GLRB: variants seen among roughly 807,000 people sequenced by gnomAD.
GLRB encodes glycine receptor beta.
In GLRB, 33 loss-of-function variants were observed where a neutral mutation model predicts 54.2. The ratio of observed to expected loss-of-function variants is 0.61; its 90% confidence interval spans 0.46 to 0.81. The LOEUF (loss-of-function observed/expected upper bound fraction) is 0.81, where lower values mean the gene tolerates loss of function less well. GLRB is among the 40% of genes least tolerant of loss of function. The pLI is 0.00. For missense variants in GLRB, 572 were observed against 584.6 expected (o/e 0.98, Z 0.22); for synonymous variants, 209 against 208.2 (o/e 1.00, Z -0.03).
At chr4:157,163,447 G>A (rs933390921) in intron 9 of GLRB, among the ~76,000 whole-genome samples, 24 of 152,224 alleles carry the variant, frequency 1.6e-4, no homozygotes, top group African/African-American at 4.6e-4. Context: ...GGCCATCTTG[G>A]AACCTATGAT....
chr4:157,103,059 G>A (rs1735092977), intron 2 of GLRB, among the ~76,000 whole-genome samples: 1 of 151,650 alleles, frequency 6.6e-6, no homozygotes, highest in Non-Finnish European at 1.5e-5. Flanking sequence ...GCTGATACAG[G>A]AGAATCCCTT....
At chr4:157,152,597 C>G in intron 8 of GLRB, 121 bp from the exon 9 acceptor site, 1 of 801,598 alleles carries the variant, frequency 1.2e-6, no homozygotes, top group South Asian at 1.3e-5. Flanking sequence ...TTTAAGGGGA[C>G]CTGACAAATT....
At chr4:157,161,507 C>T (rs982954863) in intron 9 of GLRB, among the ~76,000 whole-genome samples, 4 of 152,086 alleles carry the variant, frequency 2.6e-5, no homozygotes, top group Non-Finnish European at 4.4e-5. Flanking sequence ...CCTTCAGGAG[C>T]TCTTTTAGGG....
At chr4:157,152,653 G>T (rs1437287649) in intron 8 of GLRB, 65 bp from the exon 9 acceptor site, 2 of 1,260,060 alleles carry the variant, frequency 1.6e-6, no homozygotes, top group Admixed American at 3.4e-5. Flanking sequence ...TAGTCAAAGA[G>T]TAATGACCCC....
At chr4:157,140,918 T>C (rs1052374367) in intron 7 of GLRB, among the ~76,000 whole-genome samples, 1 of 151,864 alleles carries the variant, frequency 6.6e-6, no homozygotes, top group African/African-American at 2.4e-5. Context: ...ATATAATAGC[T>C]TTGAAAGTCC....
chr4:157,151,687 T>C (rs985501172), intron 8 of GLRB, among the ~76,000 whole-genome samples: 1 of 152,138 alleles, frequency 6.6e-6, no homozygotes, highest in African/African-American at 2.4e-5. Flanking sequence ...TGATTATTAA[T>C]ACTAATATAG....
intron 2 of GLRB, among the ~76,000 whole-genome samples, chr4:157,086,248 T>C (rs1431813066): frequency 6.6e-6 from 1 of 152,236 alleles, no homozygotes; most frequent in Non-Finnish European, 1.5e-5. Context: ...ATCTAGGCTT[T>C]ACTAGTCCCT....
intron 2 of GLRB, among the ~76,000 whole-genome samples, chr4:157,098,860 G>T (rs1734913226): frequency 6.6e-6 from 1 of 151,914 alleles, no homozygotes; most frequent in African/African-American, 2.4e-5. Context: ...CACCTGCCTT[G>T]GCCTCCCAAA....
intron 2 of GLRB, among the ~76,000 whole-genome samples, chr4:157,108,457 T>C (rs145443940): frequency 1.5e-3 from 222 of 152,152 alleles, no homozygotes; most frequent in African/African-American, 5.1e-3. Context: ...TTGGATGACT[T>C]TGAGTAGTTC....
intron 4 of GLRB, among the ~76,000 whole-genome samples, chr4:157,122,957 G>A (rs1735889008): frequency 6.6e-6 from 1 of 151,674 alleles, no homozygotes; most frequent in Non-Finnish European, 1.5e-5. Context: ...GGGAAGGAGT[G>A]ACAAGCAGAT....
chr4:157,076,972 T>TGGG (rs35126594), intron 1 of GLRB, among the ~76,000 whole-genome samples: 3 of 14,436 alleles, frequency 2.1e-4, no homozygotes, highest in African/African-American at 4.0e-4. Context: ...GGAAGAATCC[T>TGGG]GGGGGGGGGG....
intron 2 of GLRB, among the ~76,000 whole-genome samples, chr4:157,119,585 AAAGTT>A (rs1390982035): frequency 4.6e-5 from 7 of 151,696 alleles, no homozygotes; most frequent in Non-Finnish European, 8.8e-5. Flanking sequence ...TACATTTAGT[AAAGTT>A]AATTGTTAAA....
At chr4:157,097,682 A>C (rs980247684) in intron 2 of GLRB, among the ~76,000 whole-genome samples, 1 of 152,216 alleles carries the variant, frequency 6.6e-6, no homozygotes, top group Non-Finnish European at 1.5e-5. Flanking sequence ...CATACAGCTC[A>C]TGAATCCACC....
rs191140657 is a variant in GLRB, at chr4:157,146,899, G to A, written c.904+2940G>A. Among the ~76,000 whole-genome samples the A allele has an allele frequency of 2.1e-3, 315 of 152,138 alleles. 1 individual carries two copies. The highest frequency in any genetic ancestry group is 6.6e-3 in the African/African-American group (272 of 41,486). The stretch of plus-strand genomic sequence containing the variant: ...GATAAAAGGTATTTGTAGGTATCTT[G>A]AATGTGAGATTAAAGAAAGTAGAAT... On this transcript the variant is annotated intron_variant, in intron 8 of 9. Coordinates refer to ENST00000264428, the MANE Select transcript of GLRB (RefSeq NM_000824.5).
At chr4:157,157,525 A>C (rs1737280973) in intron 9 of GLRB, among the ~76,000 whole-genome samples, 1 of 151,910 alleles carries the variant, frequency 6.6e-6, no homozygotes, top group East Asian at 1.9e-4. Flanking sequence ...GGTGTGTGAC[A>C]TTCCCTACCC....
intron 2 of GLRB, among the ~76,000 whole-genome samples, chr4:157,116,796 A>T (rs1025102196): frequency 6.6e-6 from 1 of 151,678 alleles, no homozygotes; most frequent in African/African-American, 2.4e-5. Context: ...ATTTTATTTA[A>T]ATTTTAAAAC....
chr4:157,169,341 A>G (rs1737831998), intron 9 of GLRB, among the ~76,000 whole-genome samples: 1 of 152,112 alleles, frequency 6.6e-6, no homozygotes, highest in Admixed American at 6.6e-5. Context: ...CTTTTTGTGG[A>G]CTTTTGTAAT....
At chr4:157,162,924 G>T (rs953450374) in intron 9 of GLRB, among the ~76,000 whole-genome samples, 1 of 152,186 alleles carries the variant, frequency 6.6e-6, no homozygotes, top group African/African-American at 2.4e-5. Context: ...AACTAGGCCT[G>T]CCCCCAGAGG....
chr4:157,167,408 G>A (rs1403948756), intron 9 of GLRB, among the ~76,000 whole-genome samples: 1 of 152,130 alleles, frequency 6.6e-6, no homozygotes, highest in Non-Finnish European at 1.5e-5. Context: ...ATTAAATGTG[G>A]TCTTCTCTCT....
Sources: gnomAD v4.1 joint callset for allele counts (sites outside exome capture counted in the v4.1 genomes callset) on GRCh38, gnomAD v4.1.1 for gene constraint, MANE v1.5 for transcripts, NCBI Gene and HGNC (gene_info 2026-07-23, HGNC 2026-07-21) for gene names.